The following PCCA variants were observed in gnomAD, a reference collection of about 807,000 sequenced individuals.
PCCA encodes the protein propionyl-CoA carboxylase alpha chain, mitochondrial.
In PCCA, 74 loss-of-function variants were observed where a neutral mutation model predicts 101.3. The ratio of observed to expected loss-of-function variants is 0.73; its 90% CI spans 0.61 to 0.89. PCCA has a LOEUF of 0.89. Ranked by LOEUF, PCCA falls within the 40% of genes least tolerant of loss-of-function variation. The pLI, the probability that PCCA is intolerant of heterozygous loss-of-function variation, is 0.00. For missense variants in PCCA, 891 were observed against 907.0 expected (o/e 0.98, Z 0.23); for synonymous variants, 294 against 313.6 (o/e 0.94, Z 0.66).
intron 20 of PCCA, among the ~76,000 whole-genome samples, chr13:100,428,812 C>T (rs1346884003): frequency 1.3e-5 from 2 of 152,056 alleles, no homozygotes; most frequent in African/African-American, 4.8e-5. Context: ...AGAGAATGAG[C>T]TGAGGAGTGG....
rs368957716 is a variant in PCCA at position 100,224,037 on chromosome 13, C to T, written c.601-11805C>T. Among the ~76,000 whole-genome samples, 45 of 152,366 alleles carry T rather than the reference C, an allele frequency of 3.0e-4. No homozygotes were observed. The South Asian group carries it at 4.6e-3, about 15-fold the overall frequency. ...CAGGTGGAGCTGCCTGCCAGTCCCG[C>T]GCCGTGCGCCCGCACTCCTCAGCCC... On this transcript the variant is annotated intron_variant, in intron 7 of 23. Coordinates refer to ENST00000376285, the MANE Select transcript of PCCA (RefSeq NM_000282.4).
chr13:100,293,131 T>C, intron 12 of PCCA: 2 of 436,284 alleles, frequency 4.6e-6, no homozygotes, highest in South Asian at 3.5e-5. Flanking sequence ...CCAAACATGG[T>C]CAGTCAGCTG....
intron 19 of PCCA, among the ~76,000 whole-genome samples, chr13:100,420,370 C>T (rs527562133): frequency 5.9e-4 from 90 of 152,218 alleles, no homozygotes; most frequent in African/African-American, 8.7e-4. Flanking sequence ...CCCAGGAATT[C>T]GGGACCAGCC....
In PCCA at chr13:100,211,872, G is replaced by A. The variant is rs1431621787; in HGVS notation, c.600+2409G>A. ...CCTCCCACGTCAGCTTCTTGAATAG[G>A]TGAGACTATAGGTGTGTGCCACCAC... is the stretch of plus-strand genomic sequence containing the variant. On this transcript the variant is annotated intron_variant, in intron 7 of 23. Transcript: ENST00000376285. Among the ~76,000 whole-genome samples the A allele has an allele frequency of 2.6e-5, 4 of 152,064 alleles. No individual in the cohort carries two copies. The East Asian group carries it at 7.7e-4, about 29-fold the overall frequency.
At chr13:100,456,551 CA>C (rs1323468768) in intron 21 of PCCA, among the ~76,000 whole-genome samples, 2 of 152,104 alleles carry the variant, frequency 1.3e-5, no homozygotes, top group Admixed American at 6.5e-5. Flanking sequence ...AGTACAAGAC[CA>C]GGGGGCAGGG....
intron 21 of PCCA, among the ~76,000 whole-genome samples, chr13:100,484,430 C>T (rs1566430171): frequency 6.6e-6 from 1 of 152,232 alleles, no homozygotes; most frequent in African/African-American, 2.4e-5. Context: ...ATTTACTAAG[C>T]AGGGAGTAGA....
chr13:100,120,177 CT>C (rs11289175), intron 4 of PCCA, among the ~76,000 whole-genome samples: 22,627 of 130,958 alleles, frequency 0.17, 2,648 homozygotes, highest in African/African-American at 0.38. Flanking sequence ...TTTCAGATTA[CT>C]TTTTTTTTTT....
chr13:100,141,940 G>C (rs925825594), intron 4 of PCCA, among the ~76,000 whole-genome samples: 4 of 152,076 alleles, frequency 2.6e-5, no homozygotes, highest in Admixed American at 6.6e-5. Flanking sequence ...ATAAGAGAGT[G>C]GAAAACAAAG....
At chr13:100,275,376 C>CCTG (rs2063576314) in intron 12 of PCCA, among the ~76,000 whole-genome samples, 2 of 152,074 alleles carry the variant, frequency 1.3e-5, no homozygotes. Flanking sequence ...CAGTAGTGGC[C>CCTG]CTGCTGCTCC....
Position 100,371,527 on chromosome 13 carries a change from A to G in PCCA, c.1746+2953A>G, listed in dbSNP as rs141205143. Among the ~76,000 whole-genome samples, 381 of 152,298 alleles carry G rather than the reference A, an allele frequency of 2.5e-3. 5 individuals carry two copies. The highest frequency in any genetic ancestry group is 0.021 in the Admixed American group (315 of 15,302). Reference sequence around the variant, plus strand: ...TGAGACAGTAGGTTCACTTGAGCCCAGGAGTTTGTGCCCAGCCTGGGCAAC... The same window carrying G: ...TGAGACAGTAGGTTCACTTGAGCCCGGGAGTTTGTGCCCAGCCTGGGCAAC... On this transcript the variant is annotated intron_variant, in intron 19 of 23. Coordinates refer to ENST00000376285, the MANE Select transcript of PCCA (RefSeq NM_000282.4).
At chr13:100,181,619 C>T (rs893300847) in intron 6 of PCCA, among the ~76,000 whole-genome samples, 21 of 151,778 alleles carry the variant, frequency 1.4e-4, no homozygotes, top group Admixed American at 1.2e-3. Flanking sequence ...GATGTGGTCT[C>T]GCCATGTTAC....
chr13:100,154,575 C>T lies in PCCA; in HGVS notation c.301-404C>T, dbSNP rs185841420. On this transcript the variant is annotated intron_variant, in intron 4 of 23. Coordinates refer to ENST00000376285, the MANE Select transcript of PCCA (RefSeq NM_000282.4). ...CTCCATTCAGTCCCTCTAATTATCC[C>T]AACTTCCTGGGGAGCTTGCTTAGAA... The T allele has an allele frequency of 2.3e-3, 648 of 281,306 alleles. 10 individuals carry two copies. Among genetic ancestry groups the T allele is most frequent in the African/African-American group, 0.014 (619 of 44,870 alleles). The allele number at this position is 281,306 out of a possible 1,614,324, so 17.4% of individuals were successfully genotyped here.
At chr13:100,261,679 T>C (rs921916789) in intron 9 of PCCA, among the ~76,000 whole-genome samples, 1 of 152,190 alleles carries the variant, frequency 6.6e-6, no homozygotes, top group African/African-American at 2.4e-5. Context: ...ATAATAGGCA[T>C]ATTTTAATAG....
intron 4 of PCCA, among the ~76,000 whole-genome samples, chr13:100,116,375 A>T (rs751379282): frequency 1.3e-5 from 2 of 152,202 alleles, no homozygotes; most frequent in Non-Finnish European, 2.9e-5. Context: ...TAAGGTAATT[A>T]TGCAAGGAAA....
chr13:100,530,413 A>G lies in PCCA; in HGVS notation c.*247A>G. On this transcript the variant is annotated 3_prime_UTR_variant, in exon 24 of 24. Coordinates refer to ENST00000376285, the MANE Select transcript of PCCA (RefSeq NM_000282.4). ...ATTCCCTAGTGTCAAAATTAAATCA[A>G]TAAAACTGAGCATTTGTCTAAATAT... is the stretch of plus-strand genomic sequence containing the variant. 2 of 584,562 alleles carry G rather than the reference A, an allele frequency of 3.4e-6. No individual in the cohort carries two copies. The highest frequency in any genetic ancestry group is 6.1e-6 in the Non-Finnish European group (2 of 327,310). The allele number at this position is 584,562 out of a possible 1,614,324, so 36.2% of individuals were successfully genotyped here.
At chr13:100,307,809 G>A (rs572861954) in intron 15 of PCCA, among the ~76,000 whole-genome samples, 20 of 152,110 alleles carry the variant, frequency 1.3e-4, no homozygotes, top group Admixed American at 9.8e-4. Context: ...CCTTAAAACC[G>A]TATAAAGTGT....
chr13:100,291,560 T>C (rs2152658678), intron 12 of PCCA, among the ~76,000 whole-genome samples: 1 of 152,354 alleles, frequency 6.6e-6, no homozygotes, highest in Non-Finnish European at 1.5e-5. Context: ...GTAATCATTA[T>C]TCTGAATGTT....
intron 7 of PCCA, among the ~76,000 whole-genome samples, chr13:100,221,722 A>C (rs997869159): frequency 6.6e-6 from 1 of 150,620 alleles, no homozygotes. Context: ...ATTTTTAAGG[A>C]ATGTCCTTTT....
chr13:100,098,294 G>A (rs142989536), intron 1 of PCCA, among the ~76,000 whole-genome samples: 60 of 152,210 alleles, frequency 3.9e-4, no homozygotes, highest in African/African-American at 1.4e-3. Context: ...ATATGTAAAT[G>A]TAAAAATTCA....
Sources: gnomAD v4.1 joint callset for allele counts (sites outside exome capture counted in the v4.1 genomes callset) on GRCh38, gnomAD v4.1.1 for gene constraint, MANE v1.5 for transcripts, NCBI Gene and HGNC (gene_info 2026-07-23, HGNC 2026-07-21) for gene names.